FYN: variants seen among roughly 807,000 people sequenced by gnomAD.
The protein encoded by FYN is tyrosine-protein kinase Fyn.
Under a neutral mutation model 70.2 loss-of-function variants are expected in FYN, and 10 were observed. The observed-to-expected ratio is 0.14, with a 90% CI of 0.09 to 0.24. The LOEUF (loss-of-function observed/expected upper bound fraction) is 0.24. Ranked by LOEUF, FYN falls within the 10% of genes least tolerant of loss-of-function variation. The pLI is 1.00. For synonymous variants in FYN, 236 were observed against 248.6 expected, an observed-to-expected ratio of 0.95 and a Z score of 0.48; for missense variants, 319 against 673.1, an observed-to-expected ratio of 0.47 and a Z score of 5.82.
intron 3 of FYN, among the ~76,000 whole-genome samples, chr6:111,761,925 C>T (rs945336454): frequency 5.3e-5 from 8 of 152,178 alleles, no homozygotes; most frequent in African/African-American, 1.4e-4. Context: ...GCTCAGCAAT[C>T]CCTGGTCAGC....
intron 9 of FYN, among the ~76,000 whole-genome samples, chr6:111,699,206 A>G (rs1373900313): frequency 6.6e-6 from 1 of 152,222 alleles, no homozygotes; most frequent in Non-Finnish European, 1.5e-5. Flanking sequence ...CCATTGAGCA[A>G]AACGTCCATG....
At chr6:111,662,842 T>C (rs762027532) in intron 13 of FYN, among the ~76,000 whole-genome samples, 12 of 152,204 alleles carry the variant, frequency 7.9e-5, no homozygotes, top group South Asian at 2.1e-4. Context: ...GATGGGGAGA[T>C]AGACCATGTC....
intron 3 of FYN, among the ~76,000 whole-genome samples, chr6:111,728,354 T>C (rs1741608191): frequency 1.3e-5 from 2 of 152,212 alleles, no homozygotes; most frequent in African/African-American, 4.8e-5. Flanking sequence ...AAGTGAGATA[T>C]AATTCATATA....
intron 12 of FYN, among the ~76,000 whole-genome samples, chr6:111,688,563 T>C (rs1799141454): frequency 6.6e-6 from 1 of 152,132 alleles, no homozygotes; most frequent in Non-Finnish European, 1.5e-5. Context: ...ATCACTTCTA[T>C]AGAGAAGCAG....
chr6:111,710,765 T>C lies in FYN; in HGVS notation c.345-2745A>G, dbSNP rs555045926. ...AAGCACCAATTCACCTATAAATAGA[T>C]ATACTCTATATTCATGTTGATTTAG... On this transcript the variant is annotated intron_variant, in intron 5 of 13. Coordinates refer to ENST00000354650, the MANE Select transcript of FYN (RefSeq NM_002037.5). Among the ~76,000 whole-genome samples, 14 of 152,346 alleles carry C rather than the reference T, an allele frequency of 9.2e-5. 1 individual carries two copies. In the South Asian group the frequency reaches 1.7e-3, roughly 18 times the overall value.
At chr6:111,817,809 G>A (rs1002575381) in intron 2 of FYN, among the ~76,000 whole-genome samples, 1 of 152,216 alleles carries the variant, frequency 6.6e-6, no homozygotes, top group Non-Finnish European at 1.5e-5. Context: ...TTTCAATCCA[G>A]GATAAAATAT....
intron 2 of FYN, among the ~76,000 whole-genome samples, chr6:111,792,883 T>C (rs1369485469): frequency 6.6e-6 from 1 of 152,204 alleles, no homozygotes; most frequent in Admixed American, 6.5e-5. Context: ...CTGGGGTGTA[T>C]TGGGACTGGA....
intron 5 of FYN, chr6:111,708,302 G>C (rs4947144): frequency 0.47 from 166,208 of 356,712 alleles, 42,521 homozygotes; most frequent in Admixed American, 0.57. Context: ...GGGGCATTTT[G>C]CTTGGTTAGT....
intron 13 of FYN, 146 bp from the exon 14 acceptor site, chr6:111,662,093 C>T (rs1797763508): frequency 8.1e-6 from 5 of 620,832 alleles, no homozygotes; most frequent in South Asian, 2.1e-5. Context: ...CAAACCCTGC[C>T]ATGCTACTCA....
chr6:111,801,779 T>C (rs1397506153), intron 2 of FYN, among the ~76,000 whole-genome samples: 2 of 152,232 alleles, frequency 1.3e-5, no homozygotes, highest in Non-Finnish European at 2.9e-5. Context: ...CATACATATA[T>C]ATGGGTGTTC....
In FYN at chr6:111,749,342, C is replaced by A. The variant is rs62413663; in HGVS notation, c.-11-29280G>T. On this transcript the variant is annotated intron_variant, in intron 3 of 13. Transcript: ENST00000354650. ...CAATGATAATCATGTTTATGATACA[C>A]AGACTGAGCTGCCCTACGGAAAAGA... Among the ~76,000 whole-genome samples, 3 of 152,242 alleles carry A rather than the reference C, an allele frequency of 2.0e-5. 1 individual carries two copies. Among genetic ancestry groups the A allele is most frequent in the African/African-American group, 7.2e-5 (3 of 41,502 alleles).
At chr6:111,708,278 G>T in intron 5 of FYN, 1 of 376,918 alleles carries the variant, frequency 2.7e-6, no homozygotes, top group Admixed American at 3.7e-5. Flanking sequence ...GCCATGAGAA[G>T]TCTCTCTTGG....
Position 111,840,342 on chromosome 6 carries a change from C to T in FYN, c.-82+6247G>A, listed in dbSNP as rs148077239. ...CCCAGGTATCCTTATAAGAGGGCTGCAGAGGAAGACACACAGATGAGAAGG... is the reference window on the plus strand; with the variant it reads ...CCCAGGTATCCTTATAAGAGGGCTGTAGAGGAAGACACACAGATGAGAAGG... On this transcript the variant is annotated intron_variant, in intron 2 of 13. Transcript: ENST00000354650. Among the ~76,000 whole-genome samples, 693 of 152,220 alleles carry T rather than the reference C, an allele frequency of 4.6e-3. 6 individuals are homozygous for T. Among genetic ancestry groups the T allele is most frequent in the African/African-American group, 0.016 (662 of 41,528 alleles).
intron 2 of FYN, chr6:111,844,934 A>G (rs558083570): frequency 6.6e-6 from 1 of 152,274 alleles, no homozygotes; most frequent in Non-Finnish European, 1.5e-5. Flanking sequence ...CACTTTACTG[A>G]TAAGAAAAAT....
At chr6:111,790,964 TTA>T (rs1771597331) in intron 2 of FYN, among the ~76,000 whole-genome samples, 1 of 152,250 alleles carries the variant, frequency 6.6e-6, no homozygotes, top group African/African-American at 2.4e-5. Context: ...TCCAATATTT[TTA>T]TATGTCAATT....
intron 6 of FYN, 108 bp downstream of exon 6, chr6:111,707,814 A>G: frequency 1.2e-6 from 1 of 834,130 alleles, no homozygotes; most frequent in Non-Finnish European, 2.0e-6. Context: ...ACTCAGCCTT[A>G]ATCACTGCTG....
intron 12 of FYN, among the ~76,000 whole-genome samples, chr6:111,675,963 C>G (rs1310313264): frequency 6.6e-6 from 1 of 152,018 alleles, no homozygotes; most frequent in Non-Finnish European, 1.5e-5. Context: ...ATTTTTATTA[C>G]TTATGGAAAC....
intron 10 of FYN, 41 bp downstream of exon 10, chr6:111,696,236 T>C: frequency 1.3e-6 from 2 of 1,547,076 alleles, no homozygotes; most frequent in Non-Finnish European, 1.8e-6. Flanking sequence ...AACAACCCCT[T>C]AAGGCACTGT....
intron 3 of FYN, among the ~76,000 whole-genome samples, chr6:111,764,330 G>A (rs997894430): frequency 6.6e-6 from 1 of 151,990 alleles, no homozygotes; most frequent in Non-Finnish European, 1.5e-5. Flanking sequence ...TGATACTGGG[G>A]TTACTGGTGC....
Sources: allele counts gnomAD v4.1 joint callset (sites outside exome capture counted in the v4.1 genomes callset), GRCh38; gene constraint gnomAD v4.1.1; transcripts MANE v1.5; gene names NCBI Gene and HGNC (gene_info 2026-07-23, HGNC 2026-07-21).